Variants in NBAS observed in about 807,000 individuals in gnomAD.
The protein encoded by NBAS is NAG/BC035112 fusion.
NBAS carries 219 observed loss-of-function variants against 302.5 expected under a neutral mutation model. That is an observed-to-expected ratio of 0.72 (90% CI 0.65 to 0.81). The LOEUF (loss-of-function observed/expected upper bound fraction) is 0.81, where lower values mean the gene tolerates loss of function less well. NBAS is among the 30% of genes least tolerant of loss of function. The pLI is 0.00. For synonymous variants in NBAS, 1,118 were observed against 1,021.6 expected, an observed-to-expected ratio of 1.09 and a Z score of -1.80; for missense variants, 2,932 against 2,841.6, an observed-to-expected ratio of 1.03 and a Z score of -0.72.
intron 44 of NBAS, among the ~76,000 whole-genome samples, chr2:15,271,434 G>A (rs777602587): frequency 2.6e-5 from 4 of 152,134 alleles, no homozygotes; most frequent in Non-Finnish European, 5.9e-5. Context: ...AGTGGTTTAC[G>A]ATGGCAATGA....
chr2:14,858,916 C>T, the NBAS span, among the ~76,000 whole-genome samples: 5 of 151,910 alleles, frequency 3.3e-5, no homozygotes, highest in Admixed American at 6.6e-5. Context: ...ATACCTATAT[C>T]GAAATATCTC....
chr2:15,220,072 GC>G (rs1666872102), intron 47 of NBAS, among the ~76,000 whole-genome samples: 2 of 145,386 alleles, frequency 1.4e-5, no homozygotes, highest in Non-Finnish European at 3.0e-5. Context: ...GGCTGGCCGG[GC>G]GGGGGGCTGA....
chr2:15,064,620 T>A, the NBAS span, among the ~76,000 whole-genome samples: 2,730 of 152,266 alleles, frequency 0.018, 84 homozygotes, highest in African/African-American at 0.063. Context: ...ATGGTTTCAC[T>A]TAGGAATTCT....
chr2:14,805,467 A>C, the NBAS span, among the ~76,000 whole-genome samples: 1 of 152,204 alleles, frequency 6.6e-6, no homozygotes, highest in Non-Finnish European at 1.5e-5. Flanking sequence ...AAAAGTTTTA[A>C]GTAGGAAAGA....
intron 28 of NBAS, among the ~76,000 whole-genome samples, 198 bp downstream of exon 28, chr2:15,394,029 A>G (rs1675744056): frequency 6.6e-6 from 1 of 152,074 alleles, no homozygotes; most frequent in Non-Finnish European, 1.5e-5. Context: ...GGGGTACTGG[A>G]TGTGTTTATT....
chr2:14,931,416 G>T, the NBAS span, among the ~76,000 whole-genome samples: 1 of 152,200 alleles, frequency 6.6e-6, no homozygotes, highest in Non-Finnish European at 1.5e-5. Flanking sequence ...TTGATTCTAA[G>T]ATGACAAACC....
intron 41 of NBAS, among the ~76,000 whole-genome samples, chr2:15,291,007 A>G (rs1328804676): frequency 6.6e-6 from 1 of 152,274 alleles, no homozygotes; most frequent in Non-Finnish European, 1.5e-5. Context: ...GATAAAAAAT[A>G]ACATACTCCA....
intron 22 of NBAS, among the ~76,000 whole-genome samples, chr2:15,425,545 G>A (rs746511311): frequency 1.2e-4 from 19 of 152,160 alleles, no homozygotes; most frequent in Non-Finnish European, 2.8e-4. Context: ...AACACAGCCT[G>A]TAAACATTGG....
At chr2:15,122,125 C>T in the NBAS span, among the ~76,000 whole-genome samples, 2 of 147,564 alleles carry the variant, frequency 1.4e-5, no homozygotes, top group East Asian at 2.0e-4. Flanking sequence ...TGGAGGACTC[C>T]GTTAGCCTGT....
intron 16 of NBAS, among the ~76,000 whole-genome samples, chr2:15,470,007 T>TAA (rs199917557): frequency 6.7e-5 from 10 of 149,654 alleles, no homozygotes; most frequent in Admixed American, 2.0e-4. Context: ...AAATAAAAAA[T>TAA]AAAAAAAAAA....
intron 38 of NBAS, among the ~76,000 whole-genome samples, chr2:15,312,700 A>T (rs1195494866): frequency 6.6e-6 from 1 of 152,194 alleles, no homozygotes; most frequent in Non-Finnish European, 1.5e-5. Flanking sequence ...TGCTACCTCA[A>T]ATTAATCATT....
the NBAS span, among the ~76,000 whole-genome samples, chr2:15,069,614 A>G: frequency 1.3e-5 from 2 of 152,188 alleles, no homozygotes; most frequent in Non-Finnish European, 2.9e-5. Context: ...GACACTATCA[A>G]AACTACTTTT....
chr2:15,434,338 C>CAGT (rs1465050588), intron 21 of NBAS, among the ~76,000 whole-genome samples: 1 of 152,116 alleles, frequency 6.6e-6, no homozygotes, highest in African/African-American at 2.4e-5. Flanking sequence ...TGACCTCCAC[C>CAGT]AGTACCACTT....
chr2:15,231,745 T>A (rs988141909), intron 47 of NBAS, among the ~76,000 whole-genome samples: 1 of 150,928 alleles, frequency 6.6e-6, no homozygotes, highest in African/African-American at 2.4e-5. Context: ...TTATGGGGAG[T>A]TTTCTCAAAC....
chr2:14,943,917 G>C, the NBAS span, among the ~76,000 whole-genome samples: 1 of 152,064 alleles, frequency 6.6e-6, no homozygotes, highest in Non-Finnish European at 1.5e-5. Flanking sequence ...AAGTCCCAAA[G>C]AAGGAACCAC....
At chr2:15,183,038 T>C (rs1441509527) in intron 50 of NBAS, among the ~76,000 whole-genome samples, 1 of 152,092 alleles carries the variant, frequency 6.6e-6, no homozygotes, top group Non-Finnish European at 1.5e-5. Flanking sequence ...ACCAAAGGTA[T>C]TGAATTTAGG....
At chr2:14,796,589 C>T in the NBAS span, among the ~76,000 whole-genome samples, 2 of 151,876 alleles carry the variant, frequency 1.3e-5, no homozygotes, top group Non-Finnish European at 2.9e-5. Flanking sequence ...ATTGTCAATG[C>T]TATTGATAGC....
chr2:15,040,433 G>A, the NBAS span, among the ~76,000 whole-genome samples: 4 of 152,184 alleles, frequency 2.6e-5, no homozygotes, highest in African/African-American at 7.2e-5. Flanking sequence ...AAGCACATGC[G>A]TATGGACCTG....
At chr2:15,187,846 T>C (rs1271984811) in intron 49 of NBAS, among the ~76,000 whole-genome samples, 2 of 152,218 alleles carry the variant, frequency 1.3e-5, no homozygotes, top group Non-Finnish European at 2.9e-5. Flanking sequence ...AGTGCAACAG[T>C]AACAAGGGGA....
Sources: gnomAD v4.1 joint callset for allele counts (sites outside exome capture counted in the v4.1 genomes callset) on GRCh38, gnomAD v4.1.1 for gene constraint, MANE v1.5 for transcripts, NCBI Gene and HGNC (gene_info 2026-07-23, HGNC 2026-07-21) for gene names.